Variants in DGAT2L6 observed in about 807,000 individuals in gnomAD.
DGAT2L6 encodes the protein diacylglycerol O-acyltransferase 2 like 6.
Under a neutral mutation model 25.5 loss-of-function variants are expected in DGAT2L6, and 22 were observed. The observed-to-expected ratio is 0.86, with a 90% CI of 0.62 to 1.23. The LOEUF is 1.23. Among genes scored for constraint, DGAT2L6 ranks in the 50% most tolerant of loss-of-function variants. The pLI is 0.00. For missense variants in DGAT2L6, 287 were observed against 253.2 expected, an observed-to-expected ratio of 1.13 and a Z score of -0.91; for synonymous variants, 100 against 94.7, an observed-to-expected ratio of 1.06 and a Z score of -0.32.
rs1483647369 is a variant in DGAT2L6, at chrX:70,205,078, C to T, written c.986C>T (p.Pro329Leu). Residue 329 changes from proline (P) to leucine (L), a missense_variant, in exon 7 of 7, where the codon CCT becomes CTT. Transcript: ENST00000333026. ...CAACACAAAGTTGAATATGGCCTCC[C>T]TGAGACCCAAGAGCTGACAATTACA... ...FDQHKVEYGLPETQELTIT is the reference protein window; with the variant it reads ...FDQHKVEYGLLETQELTIT 6.7e-6 allele frequency: 8 copies of T among 1,198,755 alleles called. No homozygotes were observed. The Admixed American group carries it at 1.8e-4, about 27-fold the overall frequency.
At chrX:70,199,227 A>T (rs2085401262) in intron 1 of DGAT2L6, 44 bp from the exon 2 acceptor site, 1 of 944,190 alleles carries the variant, frequency 1.1e-6, no homozygotes, top group Non-Finnish European at 1.5e-6. Context: ...GTATACTAAA[A>T]CTTGAAGGGA....
Position 70,204,488 on chromosome X carries a change from G to C in DGAT2L6, c.831G>C (p.Leu277=). 8.3e-7 allele frequency: 1 copy of C among 1,210,973 alleles called. No individual in the cohort carries two copies. The highest frequency in any genetic ancestry group is 1.1e-6 in the Non-Finnish European group (1 of 895,484). ...RGFTRGSWGF[L]PFNRPITTVV... is the part of the protein sequence containing the mutation. ...TCACTCGCGGATCCTGGGGCTTCCT[G>C]CCTTTCAATCGGCCCATTACCACTG... is the stretch of plus-strand genomic sequence containing the variant. Residue 277 remains leucine (L), a synonymous_variant, in exon 6 of 7, where the codon CTG becomes CTC. Coordinates refer to ENST00000333026, the MANE Select transcript of DGAT2L6 (RefSeq NM_198512.3).
intron 1 of DGAT2L6, among the ~76,000 whole-genome samples, chrX:70,180,598 G>C (rs1415157309): frequency 9.0e-6 from 1 of 111,315 alleles, no homozygotes; most frequent in Non-Finnish European, 1.9e-5. Context: ...TATGCTCTAA[G>C]TACATGTCAT....
chrX:70,180,377 A>G (rs892531817), intron 1 of DGAT2L6, among the ~76,000 whole-genome samples: 1 of 110,932 alleles, frequency 9.0e-6, no homozygotes, highest in African/African-American at 3.3e-5. Flanking sequence ...TGAACCCGAG[A>G]GGCAGAGGTT....
chrX:70,187,837 G>A (rs1014680956), intron 1 of DGAT2L6, among the ~76,000 whole-genome samples: 2 of 112,072 alleles, frequency 1.8e-5, no homozygotes, highest in African/African-American at 6.5e-5. Context: ...ATTGGTAAAT[G>A]ACTAAAGGGA....
At chrX:70,200,736 G>A (rs746945307) in intron 4 of DGAT2L6, among the ~76,000 whole-genome samples, 1 of 111,572 alleles carries the variant, frequency 9.0e-6, no homozygotes, top group Non-Finnish European at 1.9e-5. Flanking sequence ...CAGGACCAAT[G>A]CCAAAGTGCA....
chrX:70,201,653 A>G (rs910757895), intron 4 of DGAT2L6, among the ~76,000 whole-genome samples: 11 of 110,505 alleles, frequency 1.0e-4, no homozygotes, highest in African/African-American at 3.6e-4. Flanking sequence ...GAGGCAGAGG[A>G]GCTCAGTATA....
intron 1 of DGAT2L6, among the ~76,000 whole-genome samples, chrX:70,198,625 C>T (rs895188356): frequency 9.0e-6 from 1 of 111,481 alleles, no homozygotes; most frequent in African/African-American, 3.3e-5. Flanking sequence ...TCACTGCAAC[C>T]TCCACCTCCT....
intron 1 of DGAT2L6, among the ~76,000 whole-genome samples, chrX:70,196,855 C>T (rs2085393767): frequency 8.9e-6 from 1 of 112,383 alleles, no homozygotes; most frequent in Non-Finnish European, 1.9e-5. Flanking sequence ...ATGGACACTT[C>T]ACCAAAGAGG....
chrX:70,177,892 C>A (rs911902575), intron 1 of DGAT2L6, among the ~76,000 whole-genome samples: 1 of 109,401 alleles, frequency 9.1e-6, no homozygotes, highest in Admixed American at 9.8e-5. Context: ...TTTGGGAGGC[C>A]GAGGCAGGTG....
intron 1 of DGAT2L6, among the ~76,000 whole-genome samples, chrX:70,188,108 G>A (rs1304616198): frequency 8.9e-6 from 1 of 112,113 alleles, no homozygotes; most frequent in Non-Finnish European, 1.9e-5. Context: ...GGCTAAGTGA[G>A]CAAGTGAGAG....
At chrX:70,200,517 A>G (rs1464873830) in intron 4 of DGAT2L6, 58 bp downstream of exon 4, 7 of 1,053,303 alleles carry the variant, frequency 6.6e-6, no homozygotes, top group African/African-American at 5.6e-5. Context: ...TGCAACCCCA[A>G]TAAGTCCTGA....
chrX:70,196,503 GAAAGAAA>G (rs2085392156), intron 1 of DGAT2L6, among the ~76,000 whole-genome samples: 2 of 70,585 alleles, frequency 2.8e-5, no homozygotes, highest in Non-Finnish European at 5.6e-5. Context: ...AAAAAAAAAA[GAAAGAAA>G]AAAGAAAAAA....
At chrX:70,177,855 G>A (rs145271163) in intron 1 of DGAT2L6, among the ~76,000 whole-genome samples, 188 bp downstream of exon 1, 1,990 of 110,651 alleles carry the variant, frequency 0.018, 38 homozygotes, top group African/African-American at 0.063. Context: ...GGCCAGGCAC[G>A]GTGGCTCAGG....
chrX:70,190,479 C>A (rs943133953), intron 1 of DGAT2L6, among the ~76,000 whole-genome samples: 4 of 111,671 alleles, frequency 3.6e-5, no homozygotes, highest in African/African-American at 6.5e-5. Flanking sequence ...GGCTTGTTGA[C>A]TGTGGTGAAG....
intron 1 of DGAT2L6, among the ~76,000 whole-genome samples, chrX:70,184,464 T>C (rs113146461): frequency 0.11 from 11,765 of 108,174 alleles, 609 homozygotes; most frequent in Non-Finnish European, 0.15. Context: ...CTTATTTTCT[T>C]TCTTTTTTTT....
chrX:70,205,118 T>C lies in DGAT2L6; in HGVS notation c.*12T>C. 8.5e-7 allele frequency: 1 copy of C among 1,178,931 alleles called. No homozygotes were observed. Among genetic ancestry groups the C allele is most frequent in the Non-Finnish European group, 1.1e-6 (1 of 881,724 alleles). ...TGACAATTACATAACAGGAGCCACATTCCCCATTGATCAACCCCCAAAGCC... is the reference window on the plus strand; with the variant it reads ...TGACAATTACATAACAGGAGCCACACTCCCCATTGATCAACCCCCAAAGCC... On this transcript the variant is annotated 3_prime_UTR_variant, in exon 7 of 7. Coordinates refer to ENST00000333026, the MANE Select transcript of DGAT2L6 (RefSeq NM_198512.3).
At chrX:70,187,923 C>A (rs755995074) in intron 1 of DGAT2L6, among the ~76,000 whole-genome samples, 44 of 112,266 alleles carry the variant, frequency 3.9e-4, no homozygotes, top group African/African-American at 1.4e-3. Context: ...CCTGGCCACT[C>A]ACCTGCTAGC....
intron 4 of DGAT2L6, among the ~76,000 whole-genome samples, chrX:70,201,028 CA>C (rs1240057435): frequency 8.9e-6 from 1 of 112,213 alleles, no homozygotes; most frequent in Non-Finnish European, 1.9e-5. Flanking sequence ...ACAACTTCCC[CA>C]TGCTCAGCTT....
Sources: allele counts gnomAD v4.1 joint callset (sites outside exome capture counted in the v4.1 genomes callset), GRCh38; gene constraint gnomAD v4.1.1; transcripts MANE v1.5; gene names NCBI Gene and HGNC (gene_info 2026-07-23, HGNC 2026-07-21).